Variants in TPX2 observed in about 807,000 individuals in gnomAD.
TPX2 encodes targeting protein for Xklp2.
In TPX2, 21 loss-of-function variants were observed where a neutral mutation model predicts 93.6. That is an observed-to-expected ratio of 0.22 (90% CI 0.16 to 0.32). The LOEUF (loss-of-function observed/expected upper bound fraction) is 0.32. Ranked by LOEUF, TPX2 falls within the 10% of genes least tolerant of loss-of-function variation. The probability of loss-of-function intolerance (pLI) is 1.00; values close to 1 mark genes in which losing one functional copy is unlikely to be tolerated. For synonymous variants in TPX2, 281 were observed against 298.3 expected, an observed-to-expected ratio of 0.94 and a Z score of 0.60; for missense variants, 776 against 871.1, an observed-to-expected ratio of 0.89 and a Z score of 1.37.
At chr20:31,791,539 C>T (rs370908364) in intron 12 of TPX2, among the ~76,000 whole-genome samples, 8 of 152,220 alleles carry the variant, frequency 5.3e-5, no homozygotes, top group Non-Finnish European at 1.0e-4. Flanking sequence ...CCACCTCTGC[C>T]TCCCAAAGTG....
intron 2 of TPX2, among the ~76,000 whole-genome samples, chr20:31,746,996 T>C (rs1449910630): frequency 6.6e-6 from 1 of 152,142 alleles, no homozygotes. Flanking sequence ...TCCTCTTTTA[T>C]GCTGTTCTCC....
chr20:31,776,779 A>C (rs1228861578), intron 8 of TPX2, among the ~76,000 whole-genome samples: 1 of 151,312 alleles, frequency 6.6e-6, no homozygotes, highest in Non-Finnish European at 1.5e-5. Context: ...CGCCCACCTC[A>C]GCCTCCCAGA....
intron 2 of TPX2, among the ~76,000 whole-genome samples, chr20:31,744,000 C>T (rs928327232): frequency 7.3e-5 from 11 of 151,508 alleles, no homozygotes; most frequent in African/African-American, 2.7e-4. Context: ...GGATTACAGG[C>T]GTGAGCCACC....
intron 17 of TPX2, among the ~76,000 whole-genome samples, chr20:31,799,897 CAAAAA>C (rs533016889): frequency 7.8e-5 from 5 of 63,984 alleles, no homozygotes; most frequent in Non-Finnish European, 1.2e-4. Context: ...GAGACTGTCT[CAAAAA>C]AAAAAAAAAA....
At chr20:31,760,688 G>T (rs1037766756) in intron 4 of TPX2, among the ~76,000 whole-genome samples, 4 of 152,132 alleles carry the variant, frequency 2.6e-5, no homozygotes, top group African/African-American at 7.2e-5. Flanking sequence ...TGCCAGATAC[G>T]TAACTGTTAT....
At chr20:31,751,711 A>G (rs1163159485) in intron 2 of TPX2, among the ~76,000 whole-genome samples, 2 of 152,164 alleles carry the variant, frequency 1.3e-5, no homozygotes, top group African/African-American at 2.4e-5. Context: ...ACTACAGGTG[A>G]CAGAAAATGT....
chr20:31,763,747 T>C (rs1600368218), intron 4 of TPX2, among the ~76,000 whole-genome samples: 1 of 148,522 alleles, frequency 6.7e-6, no homozygotes, highest in Non-Finnish European at 1.5e-5. Context: ...TGGCTGGACG[T>C]GATACCTCAT....
In TPX2 at chr20:31,801,065, T is replaced by C. The variant is rs2062168374; in HGVS notation, c.2229T>C (p.Thr743=). Residue 743 remains threonine (T), a synonymous_variant, in exon 18 of 18, where the codon ACT becomes ACC. Coordinates refer to ENST00000300403, the MANE Select transcript of TPX2 (RefSeq NM_012112.5). ...TGCCTGTATCTCCCAAATTCTCCACTCGATTCCACTGCTAAACTCAGCTGT... is the reference window on the plus strand; with the variant it reads ...TGCCTGTATCTCCCAAATTCTCCACCCGATTCCACTGCTAAACTCAGCTGT... ...LTVPVSPKFS[T]RFHC 1 of 1,613,994 alleles carries C rather than the reference T, an allele frequency of 6.2e-7. No homozygotes were observed. Among genetic ancestry groups the C allele is most frequent in the African/African-American group, 1.3e-5 (1 of 74,902 alleles).
At chr20:31,796,877 G>T (rs1378846122) in intron 15 of TPX2, among the ~76,000 whole-genome samples, 2 of 151,588 alleles carry the variant, frequency 1.3e-5, no homozygotes, top group Non-Finnish European at 2.9e-5. Context: ...AATAATAGTT[G>T]TACATATTCT....
intron 2 of TPX2, among the ~76,000 whole-genome samples, chr20:31,747,142 A>G (rs1247599936): frequency 6.6e-6 from 1 of 152,000 alleles, no homozygotes; most frequent in Non-Finnish European, 1.5e-5. Context: ...TTGTTGTTTG[A>G]GAAGGAGTCT....
In TPX2 at chr20:31,760,158, A is replaced by G. The variant is rs764467380; in HGVS notation, c.208A>G (p.Ile70Val). 5 of 1,613,706 alleles carry G rather than the reference A, an allele frequency of 3.1e-6. No individual in the cohort carries two copies. The highest frequency in any genetic ancestry group is 2.2e-5 in the South Asian group (2 of 91,064). The part of the protein sequence containing the change: ...PLRKANLQQA[I>V]VTPLKPVDNT... ...GAGAAAGGCTAATCTTCAGCAAGCT[A>G]TTGTCACACCTTTGAAACCAGGTAA... The change falls in exon 4 of 18, where the codon ATT (isoleucine) becomes GTT (valine). Residue 70 changes from isoleucine (I) to valine (V), a missense_variant. Transcript: ENST00000300403.
intron 10 of TPX2, among the ~76,000 whole-genome samples, chr20:31,781,486 C>T (rs1390098677): frequency 1.3e-5 from 2 of 151,530 alleles, no homozygotes; most frequent in East Asian, 2.0e-4. Context: ...AGGATGGTCT[C>T]GATCTCCTGA....
intron 12 of TPX2, among the ~76,000 whole-genome samples, chr20:31,784,777 A>C (rs188240053): frequency 9.8e-5 from 15 of 152,304 alleles, no homozygotes; most frequent in Non-Finnish European, 1.6e-4. Context: ...GAAAATGTGC[A>C]ATCAGGAAGC....
At chr20:31,750,898 T>C (rs927420282) in intron 2 of TPX2, among the ~76,000 whole-genome samples, 1 of 152,024 alleles carries the variant, frequency 6.6e-6, no homozygotes, top group African/African-American at 2.4e-5. Context: ...TTAACTATTT[T>C]GTTGTTGTTG....
chr20:31,751,943 A>C (rs931003712), intron 2 of TPX2, among the ~76,000 whole-genome samples: 1 of 152,102 alleles, frequency 6.6e-6, no homozygotes, highest in Non-Finnish European at 1.5e-5. Flanking sequence ...GGGTTTCACC[A>C]TGTTGGTGAG....
chr20:31,753,509 T>A (rs1278283294), intron 2 of TPX2, among the ~76,000 whole-genome samples: 1 of 152,216 alleles, frequency 6.6e-6, no homozygotes, highest in East Asian at 1.9e-4. Context: ...AGAACCCCTT[T>A]TTGCTTTAAG....
At chr20:31,777,780 C>CA in intron 9 of TPX2, 142 bp downstream of exon 9, 5 of 654,780 alleles carry the variant, frequency 7.6e-6, no homozygotes, top group Non-Finnish European at 8.7e-6. Flanking sequence ...TATAACAGAT[C>CA]TTTTTTTTTT....
chr20:31,750,349 G>T (rs181872587), intron 2 of TPX2, among the ~76,000 whole-genome samples: 91 of 152,056 alleles, frequency 6.0e-4, no homozygotes, highest in Middle Eastern at 3.4e-3. Flanking sequence ...TAGAGACAGG[G>T]TTTCTCCATT....
chr20:31,768,547 A>C (rs1390629050), intron 5 of TPX2, among the ~76,000 whole-genome samples: 1 of 152,078 alleles, frequency 6.6e-6, no homozygotes, highest in East Asian at 1.9e-4. Flanking sequence ...GCCCGGCCGG[A>C]AAGATTTCTT....
Sources: gnomAD v4.1 joint callset for allele counts (sites outside exome capture counted in the v4.1 genomes callset) on GRCh38, gnomAD v4.1.1 for gene constraint, MANE v1.5 for transcripts, NCBI Gene and HGNC (gene_info 2026-07-23, HGNC 2026-07-21) for gene names.